The following SHROOM2 variants were observed in gnomAD, a reference collection of about 807,000 sequenced individuals.
The protein encoded by SHROOM2 is shroom family member 2.
SHROOM2 carries 33 observed loss-of-function variants against 75.9 expected under a neutral mutation model. The ratio of observed to expected loss-of-function variants is 0.43; its 90% CI spans 0.33 to 0.58. The LOEUF is 0.58. Among genes scored for constraint, SHROOM2 ranks in the 20% least tolerant of loss-of-function variants. The probability of loss-of-function intolerance (pLI) is 0.04; values close to 1 mark genes in which losing one functional copy is unlikely to be tolerated. For missense variants in SHROOM2, 1,434 were observed against 1,461.2 expected (o/e 0.98, Z 0.30); for synonymous variants, 655 against 663.6 (o/e 0.99, Z 0.20).
chrX:9,788,861 C>T lies in SHROOM2; in HGVS notation c.165+2151C>T, dbSNP rs191407897. ...GCTTGATGCTACTGTCACCTCTCTC[C>T]AGGTGTGATGACAAAAATGTCTCCA... On this transcript the variant is annotated intron_variant, in intron 1 of 9. Transcript: ENST00000380913. Among the ~76,000 whole-genome samples the T allele has an allele frequency of 4.7e-3, 518 of 110,972 alleles. 2 individuals are homozygous for T. Among genetic ancestry groups the T allele is most frequent in the African/African-American group, 0.016 (487 of 30,569 alleles).
chrX:9,792,159 T>TAATAGAATAGAATAGGAA (rs1555919910), intron 1 of SHROOM2, among the ~76,000 whole-genome samples: 75 of 7,395 alleles, frequency 0.01, 22 homozygotes, highest in African/African-American at 0.024. Flanking sequence ...TAGAATAGAA[T>TAATAGAATAGAATAGGAA]AATCACCAGT....
At chrX:9,896,927 G>A (rs985611300) in intron 4 of SHROOM2, among the ~76,000 whole-genome samples, 3 of 112,439 alleles carry the variant, frequency 2.7e-5, no homozygotes, top group African/African-American at 6.5e-5. Flanking sequence ...TCTCGTTCTC[G>A]TTGCCATAAT....
At chrX:9,850,335 T>C (rs1241306620) in intron 1 of SHROOM2, among the ~76,000 whole-genome samples, 6 of 112,408 alleles carry the variant, frequency 5.3e-5, no homozygotes, top group Admixed American at 9.4e-5. Flanking sequence ...AATTGGTTGG[T>C]TGGTTGACAG....
intron 6 of SHROOM2, among the ~76,000 whole-genome samples, chrX:9,935,145 C>G (rs1360710240): frequency 9.1e-6 from 1 of 110,100 alleles, no homozygotes; most frequent in Non-Finnish European, 1.9e-5. Flanking sequence ...TTGTGCACAT[C>G]AAATTTCTGC....
intron 5 of SHROOM2, among the ~76,000 whole-genome samples, chrX:9,915,195 G>A (rs2084478558): frequency 9.0e-6 from 1 of 111,255 alleles, no homozygotes. Flanking sequence ...TTATTTCCCA[G>A]GTCCCTTCCA....
rs2084849240 is a variant in SHROOM2, at chrX:9,949,116, T to TC, written c.*2183dup. Reference sequence around the variant, plus strand: ...ACATAGAGCCAGCTGTCCTGTCAGTTCCCCTGTTTGCCTCTGAAACGTCTG... The same window carrying TC: ...ACATAGAGCCAGCTGTCCTGTCAGTTCCCCCTGTTTGCCTCTGAAACGTCTG... On this transcript the variant is annotated 3_prime_UTR_variant, in exon 10 of 10. Transcript: ENST00000380913. The TC allele has an allele frequency of 4.3e-6, 1 of 230,188 alleles. No individual in the cohort carries two copies. The highest frequency in any genetic ancestry group is 8.2e-6 in the Non-Finnish European group (1 of 121,699). The allele number at this position is 230,188 out of a possible 1,213,427, so 19.0% of individuals were successfully genotyped here. A position where few individuals can be genotyped will look rare whatever the true frequency, so the allele number is the denominator to read the frequency against.
intron 1 of SHROOM2, among the ~76,000 whole-genome samples, chrX:9,870,663 G>A (rs1478599998): frequency 8.9e-6 from 1 of 112,263 alleles, no homozygotes; most frequent in Non-Finnish European, 1.9e-5. Flanking sequence ...TACTTAAAGA[G>A]ACCAATCTTT....
At chrX:9,928,241 C>T (rs2084614134) in intron 5 of SHROOM2, among the ~76,000 whole-genome samples, 1 of 112,419 alleles carries the variant, frequency 8.9e-6, no homozygotes, top group East Asian at 2.8e-4. Flanking sequence ...TGCCGGCCCT[C>T]TCCCCTCTGG....
chrX:9,799,363 G>A (rs952650718), intron 1 of SHROOM2, among the ~76,000 whole-genome samples: 19 of 108,678 alleles, frequency 1.7e-4, no homozygotes, highest in African/African-American at 3.7e-4. Context: ...ATGGGGTTTC[G>A]CCATGTTGGC....
At position 9,944,948 on chromosome X, in the gene SHROOM2, G is replaced by T. The variant is rs761161659; in HGVS notation, c.4584+35G>T. ...GATACGTCTGACTTGGAAATGGGGG[G>T]TGGTCTCGTGGGAAGGCTGTTTTTC... On this transcript the variant is annotated intron_variant, in intron 9 of 9. Coordinates refer to ENST00000380913, the MANE Select transcript of SHROOM2 (RefSeq NM_001649.4). 6.9e-6 allele frequency: 8 copies of T among 1,156,197 alleles called. No homozygotes were observed. The East Asian group carries it at 2.2e-4, about 32-fold the overall frequency.
chrX:9,832,304 C>T (rs2083920736), intron 1 of SHROOM2, among the ~76,000 whole-genome samples: 1 of 111,246 alleles, frequency 9.0e-6, no homozygotes, highest in African/African-American at 3.3e-5. Flanking sequence ...AGGTAACGCC[C>T]ACCCTGTGTC....
Position 9,885,358 on chromosome X carries a change from G to A in SHROOM2, c.318-5619G>A, listed in dbSNP as rs1436522792. 2.7e-5 allele frequency among the ~76,000 whole-genome samples: 3 copies of A among 109,861 alleles called. No homozygotes were observed. In the East Asian group the frequency reaches 8.6e-4, roughly 32 times the overall value. On this transcript the variant is annotated intron_variant, in intron 2 of 9. Transcript: ENST00000380913. ...TAGGCGGGCTCTAGGTGGCGCCAGA[G>A]CACTCTGTCCCCAACTCCACGGGTC...
rs746715538 is a variant in SHROOM2 at position 9,851,446 on chromosome X, C to CTTTTTTTTTTTT, written c.166-22205_166-22194dup. ...TAACAATGTTTCAACCAGGATATTG[C>CTTTTTTTTTTTT]TTTTTTTTTTTTCTTTTTTTTTTGG... On this transcript the variant is annotated intron_variant, in intron 1 of 9. Coordinates refer to ENST00000380913, the MANE Select transcript of SHROOM2 (RefSeq NM_001649.4). Among the ~76,000 whole-genome samples the CTTTTTTTTTTTT allele has an allele frequency of 6.3e-5, 4 of 63,181 alleles. 1 individual carries two copies. Among genetic ancestry groups the CTTTTTTTTTTTT allele is most frequent in the Admixed American group, 5.6e-4 (2 of 3,594 alleles). The allele number at this position is 63,181 out of a possible 115,157, so 54.9% of individuals were successfully genotyped here.
intron 1 of SHROOM2, among the ~76,000 whole-genome samples, chrX:9,838,298 G>C (rs1394403429): frequency 2.7e-5 from 3 of 110,240 alleles, no homozygotes; most frequent in Non-Finnish European, 5.7e-5. Flanking sequence ...CTGACCTCGT[G>C]ATCCACCCGC....
chrX:9,913,835 A>G (rs766650548), intron 5 of SHROOM2, among the ~76,000 whole-genome samples: 3 of 112,314 alleles, frequency 2.7e-5, no homozygotes, highest in South Asian at 3.7e-4. Context: ...AATGTATCAT[A>G]TAAAAAAACT....
intron 5 of SHROOM2, among the ~76,000 whole-genome samples, chrX:9,916,858 G>C (rs1252105608): frequency 1.8e-5 from 2 of 112,068 alleles, no homozygotes; most frequent in Admixed American, 9.5e-5. Flanking sequence ...CCAGATGTTA[G>C]TGGGTGGTTA....
rs142947112 is a variant in SHROOM2 at position 9,876,681 on chromosome X, G to A, written c.317+2878G>A. ...ATTCTATATTGCTCTGCTTAAAAGC[G>A]TGATCAAATGGTAAACTAGCTTGCC... On this transcript the variant is annotated intron_variant, in intron 2 of 9. Transcript: ENST00000380913. Among the ~76,000 whole-genome samples, 576 of 112,716 alleles carry A rather than the reference G, an allele frequency of 5.1e-3. 6 individuals carry two copies. Among genetic ancestry groups the A allele is most frequent in the African/African-American group, 0.018 (545 of 31,088 alleles).
intron 1 of SHROOM2, among the ~76,000 whole-genome samples, chrX:9,792,106 GAATA>G (rs2083662399): frequency 1.1e-4 from 2 of 17,547 alleles, no homozygotes; most frequent in Admixed American, 1.2e-3. Context: ...GAATAGAATA[GAATA>G]GAATAGAATA....
intron 5 of SHROOM2, among the ~76,000 whole-genome samples, chrX:9,900,745 A>G (rs1240058828): frequency 1.8e-5 from 2 of 110,871 alleles, no homozygotes; most frequent in Admixed American, 1.9e-4. Context: ...TATGGGAGAA[A>G]CAGGTGGCGT....
Sources: allele counts gnomAD v4.1 joint callset (sites outside exome capture counted in the v4.1 genomes callset), GRCh38; gene constraint gnomAD v4.1.1; transcripts MANE v1.5; gene names NCBI Gene and HGNC (gene_info 2026-07-23, HGNC 2026-07-21).